Variants in SLC29A3 observed in about 807,000 individuals in gnomAD.
SLC29A3 encodes the protein equilibrative nucleoside transporter 3.
In SLC29A3, 18 loss-of-function variants were observed where a neutral mutation model predicts 25.4. The observed-to-expected ratio is 0.71, with a 90% CI of 0.49 to 1.05. The LOEUF (loss-of-function observed/expected upper bound fraction) is 1.05. Ranked by LOEUF, SLC29A3 falls within the 50% of genes least tolerant of loss-of-function variation. SLC29A3 has a pLI of 0.00. For missense variants in SLC29A3, 586 were observed against 609.0 expected (o/e 0.96, Z 0.40); for synonymous variants, 258 against 267.1 (o/e 0.97, Z 0.33).
chr10:71,358,178 C>A (rs1846964081), intron 5 of SLC29A3, among the ~76,000 whole-genome samples: 2 of 152,300 alleles, frequency 1.3e-5, no homozygotes, highest in South Asian at 4.1e-4. Context: ...CCTCTCCCCA[C>A]CGGATCATGC....
At chr10:71,380,035 C>T (rs1402837978) in exon 5 of SLC29A3, 3 of 152,380 alleles carry the variant, frequency 2.0e-5, no homozygotes, top group Non-Finnish European at 4.4e-5. Flanking sequence ...GATCTGCATC[C>T]GAGGGACACT....
rs77824597 is a variant in SLC29A3 at position 71,329,013 on chromosome 10, A to G, written c.300+5959A>G. ...AGGATGAGCTTGTGTGGAGAAGAGGATACTGGAGGACAGGTTATCAGAGGT... is the reference window on the plus strand; with the variant it reads ...AGGATGAGCTTGTGTGGAGAAGAGGGTACTGGAGGACAGGTTATCAGAGGT... On this transcript the variant is annotated intron_variant, in intron 2 of 5. Coordinates refer to ENST00000373189, the MANE Select transcript of SLC29A3 (RefSeq NM_018344.6). Among the ~76,000 whole-genome samples, 529 of 152,320 alleles carry G rather than the reference A, an allele frequency of 3.5e-3. 12 individuals are homozygous for G. The East Asian group carries it at 0.06, about 17-fold the overall frequency.
intron 4 of SLC29A3, among the ~76,000 whole-genome samples, chr10:71,379,252 T>C (rs1380238613): frequency 6.6e-6 from 1 of 152,220 alleles, no homozygotes; most frequent in Non-Finnish European, 1.5e-5. Context: ...CAGGCAAGCG[T>C]TAAATGAAAA....
At chr10:71,336,421 G>A (rs370558266) in intron 2 of SLC29A3, among the ~76,000 whole-genome samples, 8 of 152,054 alleles carry the variant, frequency 5.3e-5, no homozygotes, top group Non-Finnish European at 1.2e-4. Context: ...GGTGGGCTGC[G>A]AGGAGGACGC....
chr10:71,319,344 C>T, intron 1 of SLC29A3, 34 bp downstream of exon 1: 1 of 630,798 alleles, frequency 1.6e-6, no homozygotes, highest in Non-Finnish European at 2.8e-6. Context: ...CTTCCGGCTA[C>T]GGTCCCGGCC....
intron 1 of SLC29A3, among the ~76,000 whole-genome samples, chr10:71,322,182 A>G (rs1045024919): frequency 6.6e-6 from 1 of 151,244 alleles, no homozygotes; most frequent in African/African-American, 2.4e-5. Flanking sequence ...CCACTGTTAG[A>G]AACTTCTTAT....
chr10:71,339,529 G>A (rs185526904), intron 2 of SLC29A3, among the ~76,000 whole-genome samples: 255 of 152,200 alleles, frequency 1.7e-3, no homozygotes, highest in African/African-American at 5.5e-3. Context: ...TGCCATTAGC[G>A]CTCTGGGGGT....
At chr10:71,371,226 C>T (rs1480213129) in intron 3 of SLC29A3, among the ~76,000 whole-genome samples, 1 of 152,220 alleles carries the variant, frequency 6.6e-6, no homozygotes, top group Non-Finnish European at 1.5e-5. Flanking sequence ...TTCCTATGCA[C>T]TCACTCCAGG....
At chr10:71,355,935 G>T in intron 4 of SLC29A3, 146 bp from the exon 5 acceptor site, 1 of 866,952 alleles carries the variant, frequency 1.2e-6, no homozygotes, top group Non-Finnish European at 1.8e-6. Flanking sequence ...CCCTGTCTCT[G>T]AGGCTTCAGG....
chr10:71,354,156 T>G (rs1463865090), intron 4 of SLC29A3, among the ~76,000 whole-genome samples: 1 of 152,224 alleles, frequency 6.6e-6, no homozygotes, highest in Non-Finnish European at 1.5e-5. Flanking sequence ...AGGATTTGTT[T>G]GGTATTTGGC....
At chr10:71,334,056 C>T (rs1034825573) in intron 2 of SLC29A3, among the ~76,000 whole-genome samples, 2 of 152,214 alleles carry the variant, frequency 1.3e-5, no homozygotes, top group African/African-American at 2.4e-5. Flanking sequence ...CCCTGCCTGG[C>T]AGAAAGACTC....
Position 71,359,513 on chromosome 10 carries a change from G to A in SLC29A3, c.774-2441G>A, listed in dbSNP as rs117663965. On this transcript the variant is annotated intron_variant, in intron 5 of 5. Transcript: ENST00000373189. ...AGGGGAAGTAAGAATATTCCTTTCC[G>A]TAGATAGCGATTGTGAAACCAGACA... Among the ~76,000 whole-genome samples, 740 of 152,294 alleles carry A rather than the reference G, an allele frequency of 4.9e-3. 7 individuals carry two copies. The highest frequency in any genetic ancestry group is 0.022 in the South Asian group (108 of 4,830).
downstream of SLC29A3, among the ~76,000 whole-genome samples, chr10:71,367,961 A>AC (rs1333060329): frequency 1.3e-5 from 2 of 152,240 alleles, no homozygotes; most frequent in East Asian, 3.9e-4. Context: ...GGTGGCTCAC[A>AC]CCTATAATCC....
intron 1 of SLC29A3, among the ~76,000 whole-genome samples, chr10:71,319,978 G>T (rs536198917): frequency 6.6e-6 from 1 of 152,230 alleles, no homozygotes; most frequent in African/African-American, 2.4e-5. Context: ...TTTTGGGGAA[G>T]GTTGGGCACT....
intron 3 of SLC29A3, among the ~76,000 whole-genome samples, chr10:71,346,166 G>A (rs1301531825): frequency 1.3e-5 from 2 of 152,218 alleles, no homozygotes; most frequent in Non-Finnish European, 2.9e-5. Context: ...TGGTCTGGAG[G>A]TCCCACAGGC....
chr10:71,379,637 TC>T (rs1314510077), intron 4 of SLC29A3: 1 of 152,192 alleles, frequency 6.6e-6, no homozygotes, highest in Non-Finnish European at 1.5e-5. Context: ...TAAAACCAAC[TC>T]CCTCTGCTCA....
At chr10:71,349,834 C>A (rs773654111) in intron 3 of SLC29A3, among the ~76,000 whole-genome samples, 13 of 152,220 alleles carry the variant, frequency 8.5e-5, no homozygotes, top group African/African-American at 1.2e-4. Context: ...TTCGTCGTTA[C>A]CATCCAGCAT....
chr10:71,351,632 C>T lies in SLC29A3; in HGVS notation c.454C>T (p.Leu152=), dbSNP rs377174282. The change falls in exon 4 of 6, where the codon CTG becomes TTG. Residue 152 remains leucine, a synonymous_variant. Transcript: ENST00000373189. ...GGCCATCTTCATGGTGATAACTGCA[C>T]TGGTGAAGGTGGACACTTCCTCCTG... The part of the protein sequence containing the change: ...ILAIFMVITA[L]VKVDTSSWTR... The T allele has an allele frequency of 1.2e-6, 2 of 1,614,082 alleles. No individual in the cohort carries two copies. Among genetic ancestry groups the T allele is most frequent in the African/African-American group, 2.7e-5 (2 of 74,954 alleles).
downstream of SLC29A3, chr10:71,365,062 C>T (rs899961668): frequency 1.3e-5 from 2 of 151,958 alleles, no homozygotes; most frequent in Admixed American, 6.6e-5. Flanking sequence ...AATCCCGTCT[C>T]TACTGAAAAT....
Sources: gnomAD v4.1 joint callset for allele counts (sites outside exome capture counted in the v4.1 genomes callset) on GRCh38, gnomAD v4.1.1 for gene constraint, MANE v1.5 for transcripts, NCBI Gene and HGNC (gene_info 2026-07-23, HGNC 2026-07-21) for gene names.